Variants in NCOA1 observed in about 807,000 individuals in gnomAD.
NCOA1 encodes the protein nuclear receptor coactivator 1, also known as Hin-2 protein.
A neutral mutation model predicts 150.9 loss-of-function variants in NCOA1; 35 were observed. That is an observed-to-expected ratio of 0.23 (90% confidence interval 0.18 to 0.31). The LOEUF (loss-of-function observed/expected upper bound fraction) is 0.31, where lower values mean the gene tolerates loss of function less well. NCOA1 is among the 10% of genes least tolerant of loss of function. The probability of loss-of-function intolerance (pLI) is 1.00; values close to 1 mark genes in which losing one functional copy is unlikely to be tolerated. For missense variants in NCOA1, 1,491 were observed against 1,749.3 expected (o/e 0.85, Z 2.63); for synonymous variants, 590 against 630.0 (o/e 0.94, Z 0.95).
chr2:24,655,433 A>G (rs778322803), intron 4 of NCOA1, among the ~76,000 whole-genome samples: 2 of 152,232 alleles, frequency 1.3e-5, no homozygotes, highest in African/African-American at 2.4e-5. Flanking sequence ...TGGCATATAT[A>G]ATCTATGAAC....
In NCOA1 at chr2:24,496,296, T is replaced by G. The variant is rs2148062914; in HGVS notation, c.-396+4694T>G. On this transcript the variant is annotated intron_variant, in intron 1 of 22. Coordinates refer to ENST00000348332, the MANE Select transcript of NCOA1 (RefSeq NM_003743.5). ...TTTATCAAATGTAAATCATTTAAACTGATTCTTTCATTTCCCATTCCAGAA... is the reference window on the plus strand; with the variant it reads ...TTTATCAAATGTAAATCATTTAAACGGATTCTTTCATTTCCCATTCCAGAA... Among the ~76,000 whole-genome samples the G allele has an allele frequency of 2.6e-5, 4 of 152,378 alleles. 1 individual carries two copies. Among genetic ancestry groups the G allele is most frequent in the Admixed American group, 2.6e-4 (4 of 15,312 alleles).
chr2:24,742,961 T>C (rs183657783), intron 19 of NCOA1, among the ~76,000 whole-genome samples: 3 of 152,342 alleles, frequency 2.0e-5, no homozygotes, highest in African/African-American at 4.8e-5. Context: ...TCAGTCAACT[T>C]TCTGGCTTCC....
chr2:24,699,493 GAA>G (rs1161357388), intron 11 of NCOA1, among the ~76,000 whole-genome samples: 1 of 152,090 alleles, frequency 6.6e-6, no homozygotes, highest in Non-Finnish European at 1.5e-5. Context: ...AAAATGTCAA[GAA>G]ATGTAAGTAT....
At chr2:24,499,427 A>T (rs540218831) in intron 1 of NCOA1, among the ~76,000 whole-genome samples, 1 of 152,158 alleles carries the variant, frequency 6.6e-6, no homozygotes, top group Non-Finnish European at 1.5e-5. Context: ...GCATTGTTCT[A>T]TGGCCCTTTG....
At chr2:24,751,409 C>T (rs1376619746) in intron 19 of NCOA1, among the ~76,000 whole-genome samples, 1 of 151,494 alleles carries the variant, frequency 6.6e-6, no homozygotes, top group Non-Finnish European at 1.5e-5. Context: ...ATGGTGAAAC[C>T]CCGTCTCCTC....
intron 15 of NCOA1, among the ~76,000 whole-genome samples, chr2:24,727,176 A>G (rs529953779): frequency 5.3e-4 from 81 of 151,634 alleles, no homozygotes; most frequent in African/African-American, 1.8e-3. Context: ...TGGCGGGGAC[A>G]AGGGAAAGAC....
intron 10 of NCOA1, among the ~76,000 whole-genome samples, chr2:24,694,991 T>C (rs531027690): frequency 7.4e-4 from 112 of 152,204 alleles, no homozygotes; most frequent in Admixed American, 1.7e-3. Flanking sequence ...AAAAGGTTAT[T>C]GTCAGGTCAC....
At chr2:24,682,483 C>T (rs1445145894) in intron 7 of NCOA1, among the ~76,000 whole-genome samples, 2 of 152,136 alleles carry the variant, frequency 1.3e-5, no homozygotes, top group Admixed American at 6.5e-5. Context: ...TTGGAGACCC[C>T]TGGCTCCATC....
chr2:24,621,655 T>G (rs1669171794), intron 3 of NCOA1, among the ~76,000 whole-genome samples: 1 of 151,938 alleles, frequency 6.6e-6, no homozygotes, highest in African/African-American at 2.4e-5. Context: ...ATTTTTTGTA[T>G]TTTTAGTAGA....
chr2:24,541,688 T>A (rs2148195418), intron 1 of NCOA1, among the ~76,000 whole-genome samples: 1 of 152,370 alleles, frequency 6.6e-6, no homozygotes, highest in South Asian at 2.1e-4. Context: ...AAAAAGATTT[T>A]AACACTGATC....
At chr2:24,617,987 A>G (rs192630554) in intron 3 of NCOA1, among the ~76,000 whole-genome samples, 145 of 152,356 alleles carry the variant, frequency 9.5e-4, no homozygotes, top group African/African-American at 3.3e-3. Flanking sequence ...CTCTTAAGCA[A>G]TATATTCATT....
In NCOA1 at chr2:24,608,025, G is replaced by A. The variant is rs556098858; in HGVS notation, c.-175+23465G>A. ...GGAGTTGATTCTAAGTAGGTTTATC[G>A]CTTAGTCACCAAATCTTGTACTTTT... On this transcript the variant is annotated intron_variant, in intron 3 of 22. Coordinates refer to ENST00000348332, the MANE Select transcript of NCOA1 (RefSeq NM_003743.5). 6.6e-5 allele frequency among the ~76,000 whole-genome samples: 10 copies of A among 151,920 alleles called. No individual in the cohort carries two copies. In the East Asian group the frequency reaches 9.7e-4, roughly 15 times the overall value.
chr2:24,534,552 T>G lies in NCOA1; in HGVS notation c.-395-29743T>G, dbSNP rs891723055. Among the ~76,000 whole-genome samples, 9 of 152,200 alleles carry G rather than the reference T, an allele frequency of 5.9e-5. 1 individual carries two copies. The highest frequency in any genetic ancestry group is 1.3e-4 in the Non-Finnish European group (9 of 68,040). On this transcript the variant is annotated intron_variant, in intron 1 of 22. Coordinates refer to ENST00000348332, the MANE Select transcript of NCOA1 (RefSeq NM_003743.5). ...TTTAATTGTAATGTTAGGGTGTCAA[T>G]TTTAGATCTTTCCTGCTTTCTCTTG...
chr2:24,682,879 T>C, intron 7 of NCOA1, 72 bp from the exon 8 acceptor site: 3 of 1,347,028 alleles, frequency 2.2e-6, no homozygotes, highest in South Asian at 2.8e-5. Flanking sequence ...TCTTTTTTAA[T>C]AGAAAAATGT....
intron 3 of NCOA1, among the ~76,000 whole-genome samples, chr2:24,622,648 T>C (rs960887966): frequency 1.3e-5 from 2 of 152,224 alleles, no homozygotes; most frequent in Non-Finnish European, 2.9e-5. Flanking sequence ...GTCAGTTTTT[T>C]TAGTCTTTTG....
chr2:24,536,407 A>T lies in NCOA1; in HGVS notation c.-395-27888A>T, dbSNP rs186005825. 5.3e-5 allele frequency among the ~76,000 whole-genome samples: 8 copies of T among 152,238 alleles called. No homozygotes were observed. The East Asian group carries it at 1.5e-3, about 29-fold the overall frequency. Reference sequence around the variant, plus strand: ...GCAATGGGTTAGAACATGCTCCTTTAGCTCGGAGAAGTTTGTTATTACTGA... The same window carrying T: ...GCAATGGGTTAGAACATGCTCCTTTTGCTCGGAGAAGTTTGTTATTACTGA... On this transcript the variant is annotated intron_variant, in intron 1 of 22. Coordinates refer to ENST00000348332, the MANE Select transcript of NCOA1 (RefSeq NM_003743.5).
intron 2 of NCOA1, among the ~76,000 whole-genome samples, chr2:24,577,750 A>G (rs1667049742): frequency 6.6e-6 from 1 of 152,198 alleles, no homozygotes; most frequent in East Asian, 1.9e-4. Context: ...TCCAGCTCTG[A>G]TAATTCTATG....
At position 24,636,042 on chromosome 2, in the gene NCOA1, T is replaced by C. The variant is rs535516014; in HGVS notation, c.-174-7924T>C. Among the ~76,000 whole-genome samples the C allele has an allele frequency of 3.9e-4, 60 of 152,288 alleles. No homozygotes were observed. In the Middle Eastern group the frequency reaches 0.017, roughly 43 times the overall value. On this transcript the variant is annotated intron_variant, in intron 3 of 22. Coordinates refer to ENST00000348332, the MANE Select transcript of NCOA1 (RefSeq NM_003743.5). ...ATTTAGAGAAAATACAGTTTTTATA[T>C]AAAAAGCAAAAACCCAAAACAGACA...
At position 24,691,670 on chromosome 2, in the gene NCOA1, A is replaced by C; in HGVS notation, c.712+10A>C. 1 of 1,610,416 alleles carries C rather than the reference A, an allele frequency of 6.2e-7. No individual in the cohort carries two copies. The highest frequency in any genetic ancestry group is 1.7e-5 in the Admixed American group (1 of 59,584). ...CAAGAGGATGGAGAAGGTAAAGCCA[A>C]ACGGTCTTTTTAAAGTGTTTATTTC... is the stretch of plus-strand genomic sequence containing the variant. On this transcript the variant is annotated intron_variant, in intron 9 of 22. Coordinates refer to ENST00000348332, the MANE Select transcript of NCOA1 (RefSeq NM_003743.5).
Sources: allele counts gnomAD v4.1 joint callset (sites outside exome capture counted in the v4.1 genomes callset), GRCh38; gene constraint gnomAD v4.1.1; transcripts MANE v1.5; gene names NCBI Gene and HGNC (gene_info 2026-07-23, HGNC 2026-07-21).